Variants in XKR4 observed in about 807,000 individuals in gnomAD.
XKR4 encodes the protein XK related 4, also known as XK-related protein 4.
A neutral mutation model predicts 53.9 loss-of-function variants in XKR4; 12 were observed. The observed-to-expected ratio is 0.22, with a 90% CI of 0.14 to 0.36. The LOEUF (loss-of-function observed/expected upper bound fraction) is 0.36, where lower values mean the gene tolerates loss of function less well. XKR4 is among the 10% of genes least tolerant of loss of function. The pLI is 1.00. For missense variants in XKR4, 799 were observed against 859.5 expected (o/e 0.93, Z 0.88); for synonymous variants, 354 against 362.4 (o/e 0.98, Z 0.26).
chr8:55,491,728 T>G (rs1273191557), intron 2 of XKR4, among the ~76,000 whole-genome samples: 1 of 152,038 alleles, frequency 6.6e-6, no homozygotes, highest in Non-Finnish European at 1.5e-5. Flanking sequence ...ACTCCTAGGT[T>G]CAAGTGATCC....
intron 2 of XKR4, chr8:55,454,270 C>A (rs1328799740): frequency 7.5e-7 from 1 of 1,333,478 alleles, no homozygotes; most frequent in East Asian, 2.3e-5. Context: ...TCACGTCTAG[C>A]AGCTCCTGGG....
At chr8:55,371,243 G>A (rs1165779568) in intron 2 of XKR4, among the ~76,000 whole-genome samples, 1 of 151,782 alleles carries the variant, frequency 6.6e-6, no homozygotes, top group Non-Finnish European at 1.5e-5. Context: ...TATTCTGTAA[G>A]GAAAAGATAG....
At chr8:55,259,911 C>T (rs1345689526) in intron 1 of XKR4, among the ~76,000 whole-genome samples, 1 of 151,678 alleles carries the variant, frequency 6.6e-6, no homozygotes, top group Non-Finnish European at 1.5e-5. Flanking sequence ...ACACACTCAC[C>T]CACCCACCCA....
At position 55,116,276 on chromosome 8, in the gene XKR4, A is replaced by G. The variant is rs895307267; in HGVS notation, c.806+12982A>G. 2.0e-5 allele frequency among the ~76,000 whole-genome samples: 3 copies of G among 152,088 alleles called. No homozygotes were observed. The East Asian group carries it at 5.8e-4, about 29-fold the overall frequency. On this transcript the variant is annotated intron_variant, in intron 1 of 2. Transcript: ENST00000327381. ...TACACGGAGAAAGAACTGAGATAGG[A>G]ACTGAGGAAAATTGAACTGGGACTC... is the stretch of plus-strand genomic sequence containing the variant.
chr8:55,153,075 C>A lies in XKR4; in HGVS notation c.806+49781C>A, dbSNP rs1252642711. On this transcript the variant is annotated intron_variant, in intron 1 of 2. Transcript: ENST00000327381. Reference sequence around the variant, plus strand: ...TGGAGCTCCCATAGGAGGATCCAGGCTCACGCTGGGTTGACCTTAGTGTGC... The same window carrying A: ...TGGAGCTCCCATAGGAGGATCCAGGATCACGCTGGGTTGACCTTAGTGTGC... Among the ~76,000 whole-genome samples, 4 of 152,170 alleles carry A rather than the reference C, an allele frequency of 2.6e-5. No individual in the cohort carries two copies. The East Asian group carries it at 7.7e-4, about 29-fold the overall frequency.
At chr8:55,444,578 C>T (rs959065337) in intron 2 of XKR4, among the ~76,000 whole-genome samples, 9 of 152,166 alleles carry the variant, frequency 5.9e-5, no homozygotes, top group Admixed American at 1.3e-4. Context: ...TACTAATAAA[C>T]TTTGCAAAAA....
chr8:55,287,667 T>G (rs1818926865), intron 1 of XKR4, among the ~76,000 whole-genome samples: 1 of 152,200 alleles, frequency 6.6e-6, no homozygotes, highest in Admixed American at 6.5e-5. Flanking sequence ...TAACTCACCC[T>G]TTGTGGGGAG....
At chr8:55,229,766 C>G (rs1267963344) in intron 1 of XKR4, among the ~76,000 whole-genome samples, 1 of 152,176 alleles carries the variant, frequency 6.6e-6, no homozygotes, top group Admixed American at 6.5e-5. Flanking sequence ...CCTTGGCCCC[C>G]CTACAGAAGC....
chr8:55,292,121 T>C lies in XKR4; in HGVS notation c.807-65557T>C, dbSNP rs142893150. On this transcript the variant is annotated intron_variant, in intron 1 of 2. Coordinates refer to ENST00000327381, the MANE Select transcript of XKR4 (RefSeq NM_052898.2). Reference sequence around the variant, plus strand: ...TTCTTTAGTCTATATTCATGAGGGATGTTGGCCTATAGTTTTTCCTTTTGT... The same window carrying C: ...TTCTTTAGTCTATATTCATGAGGGACGTTGGCCTATAGTTTTTCCTTTTGT... Among the ~76,000 whole-genome samples, 12 of 152,280 alleles carry C rather than the reference T, an allele frequency of 7.9e-5. No homozygotes were observed. In the East Asian group the frequency reaches 2.1e-3, roughly 27 times the overall value.
intron 2 of XKR4, among the ~76,000 whole-genome samples, chr8:55,468,720 T>G (rs1805818620): frequency 6.6e-6 from 1 of 152,166 alleles, no homozygotes; most frequent in Admixed American, 6.6e-5. Flanking sequence ...TTAAATGTCC[T>G]CATCTATAAA....
intron 1 of XKR4, among the ~76,000 whole-genome samples, chr8:55,325,921 A>G (rs1209524807): frequency 2.0e-5 from 3 of 152,264 alleles, no homozygotes; most frequent in African/African-American, 7.2e-5. Context: ...TCAGACAGAA[A>G]GGAAACTGTT....
chr8:55,522,525 T>C (rs920229411), intron 2 of XKR4, among the ~76,000 whole-genome samples: 4 of 152,196 alleles, frequency 2.6e-5, no homozygotes, highest in African/African-American at 9.7e-5. Flanking sequence ...GTGAATAAAC[T>C]AAATTTAATC....
At chr8:55,124,123 C>T (rs1056483118) in intron 1 of XKR4, among the ~76,000 whole-genome samples, 25 of 152,168 alleles carry the variant, frequency 1.6e-4, no homozygotes, top group Admixed American at 1.6e-3. Context: ...TGCAGATTTA[C>T]AAATGCCTCC....
chr8:55,152,060 C>T (rs749113417), intron 1 of XKR4, among the ~76,000 whole-genome samples: 3 of 152,052 alleles, frequency 2.0e-5, no homozygotes, highest in East Asian at 1.9e-4. Flanking sequence ...ATCTTATCTG[C>T]GTTTTCTAAG....
chr8:55,413,652 CT>C (rs1396439171), intron 2 of XKR4, among the ~76,000 whole-genome samples: 9 of 152,154 alleles, frequency 5.9e-5, no homozygotes, highest in Admixed American at 2.0e-4. Context: ...ATCTCTGGTT[CT>C]GTTTAAGTTC....
intron 2 of XKR4, chr8:55,453,107 G>A (rs1366296191): frequency 5.5e-6 from 3 of 545,912 alleles, no homozygotes; most frequent in Non-Finnish European, 7.2e-6. Context: ...ACCCAGATAT[G>A]AGTCTGCATG....
rs1166101181 is a variant in XKR4, at chr8:55,527,377, A to AG, written c.*3153dup. 4 of 152,218 alleles carry AG rather than the reference A, an allele frequency of 2.6e-5. No homozygotes were observed. Among genetic ancestry groups the AG allele is most frequent in the Admixed American group, 6.5e-5 (1 of 15,284 alleles). 9.4% of individuals were successfully genotyped at this position (152,218 alleles called of 1,614,324 possible). A position where few individuals can be genotyped will look rare whatever the true frequency, so the allele number is the denominator to read the frequency against. ...TGAGTCCACTTTGATTCCATTTAAG[A>AG]GGGAGATCTGCTCTTACTCACTTTT... On this transcript the variant is annotated 3_prime_UTR_variant, in exon 3 of 3. Transcript: ENST00000327381.
At chr8:55,377,470 G>T (rs1425937971) in intron 2 of XKR4, among the ~76,000 whole-genome samples, 1 of 152,178 alleles carries the variant, frequency 6.6e-6, no homozygotes, top group Non-Finnish European at 1.5e-5. Context: ...ACAATCCACA[G>T]TATCTACCTT....
At chr8:55,517,783 G>A (rs1035762981) in intron 2 of XKR4, 7 of 120,698 alleles carry the variant, frequency 5.8e-5, no homozygotes, top group African/African-American at 1.7e-4. Context: ...CAGCTGTTCT[G>A]ACTCTGGAAA....
Sources: gnomAD v4.1 joint callset for allele counts (sites outside exome capture counted in the v4.1 genomes callset) on GRCh38, gnomAD v4.1.1 for gene constraint, MANE v1.5 for transcripts, NCBI Gene and HGNC (gene_info 2026-07-23, HGNC 2026-07-21) for gene names.